The following AGAP1 variants were observed in gnomAD, a reference collection of about 807,000 sequenced individuals.
AGAP1 encodes arf-GAP with GTPase, ANK repeat and PH domain-containing protein 1.
A neutral mutation model predicts 105.3 loss-of-function variants in AGAP1; 29 were observed. The observed-to-expected ratio is 0.28, with a 90% confidence interval of 0.21 to 0.38. The LOEUF is 0.38. Ranked by LOEUF, AGAP1 falls within the 10% of genes least tolerant of loss-of-function variation. The pLI is 1.00. For synonymous variants in AGAP1, 509 were observed against 485.9 expected, an observed-to-expected ratio of 1.05 and a Z score of -0.63; for missense variants, 998 against 1,165.1, an observed-to-expected ratio of 0.86 and a Z score of 2.09.
chr2:235,723,210 T>A lies in AGAP1; in HGVS notation c.310+5566T>A, dbSNP rs941438242. Among the ~76,000 whole-genome samples, 8 of 152,194 alleles carry A rather than the reference T, an allele frequency of 5.3e-5. No individual in the cohort carries two copies. Among genetic ancestry groups the A allele is most frequent in the Non-Finnish European group, 1.5e-5 (1 of 68,026 alleles). On this transcript the variant is annotated intron_variant, in intron 3 of 17. Coordinates refer to ENST00000304032, the MANE Select transcript of AGAP1 (RefSeq NM_001037131.3). This position sits in a 1 kb window ranked among gnomAD's most constrained non-coding sequence, Gnocchi z 6.2. ...AAGAGAATGAGATGAAAATTAGTTA[T>A]TTGCCAATTGAGCCCTATTAATGGC...
Position 236,082,463 on chromosome 2 carries a change from G to A in AGAP1, c.2114+33182G>A, listed in dbSNP as rs961005482. Among the ~76,000 whole-genome samples, 2 of 152,176 alleles carry A rather than the reference G, an allele frequency of 1.3e-5. No homozygotes were observed. The highest frequency in any genetic ancestry group is 4.8e-5 in the African/African-American group (2 of 41,430). ...GCCGCTGCCCATTTGATCTCTCAGG[G>A]AGGGAGAGCTTTTCCTAAGCATCGA... On this transcript the variant is annotated intron_variant, in intron 16 of 17. Transcript: ENST00000304032. This position sits in a 1 kb window ranked among gnomAD's most constrained non-coding sequence, Gnocchi z 4.2.
Position 235,976,186 on chromosome 2 carries a change from G to A in AGAP1, c.1645+7563G>A, listed in dbSNP as rs1443195847. Among the ~76,000 whole-genome samples the A allele has an allele frequency of 6.6e-6, 1 of 152,078 alleles. No individual in the cohort carries two copies. The highest frequency in any genetic ancestry group is 1.5e-5 in the Non-Finnish European group (1 of 68,022). On this transcript the variant is annotated intron_variant, in intron 13 of 17. Transcript: ENST00000304032. This position sits in a 1 kb window ranked among gnomAD's most constrained non-coding sequence, Gnocchi z 4.5. ...GATGGGAGCCACCATGCATCCCGACGGACTTGCCTCCTCCCCACAAACTAG... is the reference window on the plus strand; with the variant it reads ...GATGGGAGCCACCATGCATCCCGACAGACTTGCCTCCTCCCCACAAACTAG...
intron 13 of AGAP1, among the ~76,000 whole-genome samples, chr2:236,026,359 G>GACC (rs1442535240): frequency 1.3e-5 from 2 of 152,204 alleles, no homozygotes; most frequent in Admixed American, 6.5e-5. Context: ...AGGCCCAGAG[G>GACC]ACCACCACCT....
chr2:236,013,951 T>G (rs2056606023), intron 13 of AGAP1, among the ~76,000 whole-genome samples: 1 of 151,980 alleles, frequency 6.6e-6, no homozygotes, highest in Admixed American at 6.6e-5. Context: ...GAGTTGATAG[T>G]TGGGAGGGTA....
rs140532061 is a variant in AGAP1, at chr2:235,874,124, C to T, written c.1051-9221C>T. ...CCAGGCTGGAGTGCAGTGGCGTGAT[C>T]TCAGCTCACTGCAACCTCTCCCTCC... On this transcript the variant is annotated intron_variant, in intron 9 of 17. Coordinates refer to ENST00000304032, the MANE Select transcript of AGAP1 (RefSeq NM_001037131.3). This position sits in a 1 kb window ranked among gnomAD's most constrained non-coding sequence, Gnocchi z 4.5. Among the ~76,000 whole-genome samples, 1,540 of 152,232 alleles carry T rather than the reference C, an allele frequency of 0.01. 34 individuals are homozygous for T. The highest frequency in any genetic ancestry group is 0.035 in the African/African-American group (1,460 of 41,532).
intron 16 of AGAP1, among the ~76,000 whole-genome samples, chr2:236,084,123 G>A (rs576380326): frequency 6.7e-4 from 102 of 152,186 alleles, no homozygotes; most frequent in Non-Finnish European, 6.9e-4. Flanking sequence ...CCTACAGCCT[G>A]TAAACACCAA....
At chr2:235,638,383 G>A (rs1947081432) in intron 1 of AGAP1, among the ~76,000 whole-genome samples, 1 of 152,330 alleles carries the variant, frequency 6.6e-6, no homozygotes, top group Admixed American at 6.5e-5. Context: ...GCACTGCACA[G>A]GGTGGCTGCT....
intron 17 of AGAP1, among the ~76,000 whole-genome samples, chr2:236,122,973 G>A (rs886674363): frequency 1.3e-5 from 2 of 152,104 alleles, no homozygotes; most frequent in South Asian, 2.1e-4. Flanking sequence ...ATGAGCCACC[G>A]TGTCCGGCTC....
intron 1 of AGAP1, among the ~76,000 whole-genome samples, chr2:235,704,279 T>G (rs10164722): frequency 1.3e-5 from 2 of 152,202 alleles, no homozygotes; most frequent in Non-Finnish European, 2.9e-5. Flanking sequence ...TTGTAACATC[T>G]GCTTAGCAAA....
Position 235,923,301 on chromosome 2 carries a change from C to G in AGAP1, c.1325-7464C>G, listed in dbSNP as rs2052275337. Among the ~76,000 whole-genome samples the G allele has an allele frequency of 2.0e-5, 3 of 152,282 alleles. No homozygotes were observed. The South Asian group carries it at 6.2e-4, about 32-fold the overall frequency. ...TGGTACAGCTGTTTCCTTGTACAAC[C>G]CTGTTCTGTCTCTTACACTTCCTGA... is the stretch of plus-strand genomic sequence containing the variant. On this transcript the variant is annotated intron_variant, in intron 11 of 17. Coordinates refer to ENST00000304032, the MANE Select transcript of AGAP1 (RefSeq NM_001037131.3).
intron 10 of AGAP1, among the ~76,000 whole-genome samples, chr2:235,902,115 A>T (rs2051094289): frequency 2.0e-5 from 3 of 152,218 alleles, no homozygotes; most frequent in South Asian, 4.1e-4. Context: ...GGTCTCTTTG[A>T]TACCCAGTTT....
chr2:236,085,514 CCCA>C (rs2058906454), intron 16 of AGAP1, among the ~76,000 whole-genome samples: 1 of 152,216 alleles, frequency 6.6e-6, no homozygotes, highest in Non-Finnish European at 1.5e-5. Flanking sequence ...CCCCAGTTTC[CCCA>C]CACAAAGAGC....
intron 6 of AGAP1, among the ~76,000 whole-genome samples, chr2:235,796,623 C>T (rs987427947): frequency 2.0e-5 from 3 of 152,154 alleles, no homozygotes; most frequent in African/African-American, 4.8e-5. Context: ...ACATGAAACC[C>T]ATAGGCTGTG....
chr2:236,121,508 T>G lies in AGAP1; in HGVS notation c.2370+1061T>G, dbSNP rs1234751076. On this transcript the variant is annotated intron_variant, in intron 17 of 17. Coordinates refer to ENST00000304032, the MANE Select transcript of AGAP1 (RefSeq NM_001037131.3). This position sits in a 1 kb window ranked among gnomAD's most constrained non-coding sequence, Gnocchi z 4.9. Reference sequence around the variant, plus strand: ...TAGAGACGGGGCTTCACCATGTTGGTCAGTCTGGTCTCGAGCTCCTGACCT... The same window carrying G: ...TAGAGACGGGGCTTCACCATGTTGGGCAGTCTGGTCTCGAGCTCCTGACCT... Among the ~76,000 whole-genome samples the G allele has an allele frequency of 6.6e-6, 1 of 151,886 alleles. No homozygotes were observed. Among genetic ancestry groups the G allele is most frequent in the South Asian group, 2.1e-4 (1 of 4,812 alleles).
At chr2:235,913,208 A>G (rs181550728) in intron 11 of AGAP1, among the ~76,000 whole-genome samples, 13 of 152,244 alleles carry the variant, frequency 8.5e-5, no homozygotes, top group Admixed American at 7.8e-4. Context: ...TTACATATAT[A>G]TACTTCTAAG....
At chr2:235,522,705 A>G (rs1942668783) in intron 1 of AGAP1, among the ~76,000 whole-genome samples, 1 of 152,158 alleles carries the variant, frequency 6.6e-6, no homozygotes, top group East Asian at 1.9e-4. Flanking sequence ...AAGATGGCTG[A>G]GTGGGAAAGA....
At chr2:235,797,176 G>T (rs1256677442) in intron 6 of AGAP1, among the ~76,000 whole-genome samples, 1 of 152,060 alleles carries the variant, frequency 6.6e-6, no homozygotes, top group Non-Finnish European at 1.5e-5. Context: ...TGGTTAAATT[G>T]CCCTGCCTTA....
At position 235,788,892 on chromosome 2, in the gene AGAP1, A is replaced by G. The variant is rs1374861106; in HGVS notation, c.674-8867A>G. On this transcript the variant is annotated intron_variant, in intron 6 of 17. Coordinates refer to ENST00000304032, the MANE Select transcript of AGAP1 (RefSeq NM_001037131.3). The surrounding 1 kb of genome is among the most constrained non-coding windows in gnomAD (Gnocchi z 6.0). ...GAACGTTTGCATGTTGGTGCTTCTG[A>G]ACACAGGATCCCTGGTCCTCCTGAG... Among the ~76,000 whole-genome samples, 1 of 152,110 alleles carries G rather than the reference A, an allele frequency of 6.6e-6. No individual in the cohort carries two copies.
At chr2:235,683,699 C>CT (rs1269926439) in intron 1 of AGAP1, among the ~76,000 whole-genome samples, 3,452 of 145,566 alleles carry the variant, frequency 0.024, 108 homozygotes, top group African/African-American at 0.075. Context: ...CTCTCTCTCT[C>CT]TTTTTTTTTT....
Sources: gnomAD v4.1 joint callset for allele counts (sites outside exome capture counted in the v4.1 genomes callset) on GRCh38, gnomAD v4.1.1 for gene constraint, Gnocchi (gnomAD v3.1) non-coding constraint, MANE v1.5 for transcripts, NCBI Gene and HGNC (gene_info 2026-07-23, HGNC 2026-07-21) for gene names.